The following ASXL3 variants were observed in gnomAD, a reference collection of about 807,000 sequenced individuals.
ASXL3 encodes ASXL transcriptional regulator 3, also known as putative Polycomb group protein ASXL3.
Under a neutral mutation model 170.6 loss-of-function variants are expected in ASXL3, and 34 were observed. That is an observed-to-expected ratio of 0.20 (90% confidence interval 0.15 to 0.27). The LOEUF (loss-of-function observed/expected upper bound fraction) is 0.27, where lower values mean the gene tolerates loss of function less well. ASXL3 is among the 10% of genes least tolerant of loss of function. The probability of loss-of-function intolerance (pLI) is 1.00; values close to 1 mark genes in which losing one functional copy is unlikely to be tolerated. For synonymous variants in ASXL3, 1,002 were observed against 989.1 expected (o/e 1.01, Z -0.24); for missense variants, 2,592 against 2,695.3 (o/e 0.96, Z 0.85).
intron 8 of ASXL3, among the ~76,000 whole-genome samples, chr18:33,727,094 T>C (rs2067365178): frequency 6.6e-6 from 1 of 152,124 alleles, no homozygotes. Context: ...ACATACTCAA[T>C]GTGAATATTT....
At chr18:33,599,079 G>A (rs895896743) in intron 1 of ASXL3, among the ~76,000 whole-genome samples, 1 of 152,118 alleles carries the variant, frequency 6.6e-6, no homozygotes, top group Non-Finnish European at 1.5e-5. Context: ...ATTATAGATT[G>A]TTGAGCTTCA....
chr18:33,597,716 G>T (rs1350752640), intron 1 of ASXL3, among the ~76,000 whole-genome samples: 1 of 151,326 alleles, frequency 6.6e-6, no homozygotes, highest in Non-Finnish European at 1.5e-5. Flanking sequence ...TCCCAGTTCT[G>T]CTTCTTACCT....
chr18:33,733,338 T>C lies in ASXL3; in HGVS notation c.977-972T>C, dbSNP rs1047440421. The stretch of plus-strand genomic sequence containing the variant: ...TTCCCTCTCAACTCCTTCTTCTGTT[T>C]CCTCTATTTCTGTAATGTCACAACT... On this transcript the variant is annotated intron_variant, in intron 9 of 11. Coordinates refer to ENST00000269197, the MANE Select transcript of ASXL3 (RefSeq NM_030632.3). Among the ~76,000 whole-genome samples, 5 of 152,286 alleles carry C rather than the reference T, an allele frequency of 3.3e-5. No homozygotes were observed. In the East Asian group the frequency reaches 9.7e-4, roughly 30 times the overall value.
At chr18:33,691,214 G>A (rs2066681660) in intron 8 of ASXL3, among the ~76,000 whole-genome samples, 2 of 152,288 alleles carry the variant, frequency 1.3e-5, no homozygotes, top group South Asian at 2.1e-4. Flanking sequence ...TCATTGGCCA[G>A]CTCCTATCAG....
At chr18:33,610,581 G>A (rs911218999) in intron 2 of ASXL3, among the ~76,000 whole-genome samples, 2 of 151,870 alleles carry the variant, frequency 1.3e-5, no homozygotes, top group Non-Finnish European at 2.9e-5. Context: ...CACTTACCTC[G>A]CTGTACTGTA....
At chr18:33,670,065 G>A (rs897013113) in intron 5 of ASXL3, among the ~76,000 whole-genome samples, 1 of 152,092 alleles carries the variant, frequency 6.6e-6, no homozygotes, top group East Asian at 1.9e-4. Flanking sequence ...GAAGGTTAAT[G>A]CCCAAAGTCA....
rs963165188 is a variant in ASXL3 at position 33,609,087 on chromosome 18, A to G, written c.137+1411A>G. ...AGCAGTGGATAGATTAGTTGCTAAC[A>G]GTACCTAACAATTCTGTTAAAGGAG... On this transcript the variant is annotated intron_variant, in intron 2 of 11. Transcript: ENST00000269197. 4.1e-6 allele frequency: 4 copies of G among 983,182 alleles called. No homozygotes were observed. The African/African-American group carries it at 7.0e-5, about 17-fold the overall frequency. The allele number at this position is 983,182 out of a possible 1,614,324, so 60.9% of individuals were successfully genotyped here.
At position 33,634,002 on chromosome 18, in the gene ASXL3, A is replaced by G. The variant is rs142186314; in HGVS notation, c.138-10892A>G. 1.4e-3 allele frequency among the ~76,000 whole-genome samples: 218 copies of G among 152,344 alleles called. 1 individual carries two copies. The highest frequency in any genetic ancestry group is 5.1e-3 in the African/African-American group (213 of 41,586). On this transcript the variant is annotated intron_variant, in intron 2 of 11. Coordinates refer to ENST00000269197, the MANE Select transcript of ASXL3 (RefSeq NM_030632.3). ...CATAAAGTTGAATATATGCATATAT[A>G]TGAATGTAAATACAAAAAGATCGGG...
intron 1 of ASXL3, among the ~76,000 whole-genome samples, chr18:33,597,078 G>A: frequency 6.6e-6 from 1 of 152,132 alleles, no homozygotes; most frequent in East Asian, 1.9e-4. Flanking sequence ...GCCTCCCAGT[G>A]TGCTAGGATT....
chr18:33,586,857 C>T (rs1231678259), intron 1 of ASXL3, among the ~76,000 whole-genome samples: 4 of 152,174 alleles, frequency 2.6e-5, no homozygotes, highest in Non-Finnish European at 5.9e-5. Flanking sequence ...ACAATTGTGT[C>T]ATGCATTGGG....
intron 7 of ASXL3, among the ~76,000 whole-genome samples, chr18:33,676,840 A>G (rs879682088): frequency 2.6e-5 from 4 of 152,152 alleles, no homozygotes; most frequent in Non-Finnish European, 5.9e-5. Flanking sequence ...TTCTGAGACA[A>G]CCCTAATACA....
At chr18:33,670,534 C>A in intron 5 of ASXL3, 139 bp from the exon 6 acceptor site, 1 of 583,940 alleles carries the variant, frequency 1.7e-6, no homozygotes, top group South Asian at 2.9e-5. Flanking sequence ...ATTAAGAATC[C>A]TGAGAAATTA....
At chr18:33,612,769 T>G (rs1406930289) in intron 2 of ASXL3, among the ~76,000 whole-genome samples, 5 of 152,148 alleles carry the variant, frequency 3.3e-5, no homozygotes, top group Non-Finnish European at 7.4e-5. Flanking sequence ...GAGATGATTC[T>G]TTCTTGCCGC....
chr18:33,635,895 A>C (rs1460949533), intron 2 of ASXL3, among the ~76,000 whole-genome samples: 2 of 152,212 alleles, frequency 1.3e-5, no homozygotes, highest in African/African-American at 2.4e-5. Context: ...AATGTATTTC[A>C]ACAAACAACT....
Position 33,738,522 on chromosome 18 carries a change from C to T in ASXL3, c.1118C>T (p.Thr373Ile). 6.2e-7 allele frequency: 1 copy of T among 1,613,556 alleles called. No individual in the cohort carries two copies. Among genetic ancestry groups the T allele is most frequent in the Non-Finnish European group, 8.5e-7 (1 of 1,179,734 alleles). ...TCAAGAGAGGAATCTGTGAAGCTCACTACTGGACCAAACAACGCTGGAGCT... is the reference window on the plus strand; with the variant it reads ...TCAAGAGAGGAATCTGTGAAGCTCATTACTGGACCAAACAACGCTGGAGCT... ...GMSREESVKLTTGPNNAGAQS... is the reference protein window; with the variant it reads ...GMSREESVKLITGPNNAGAQS... The change falls in exon 11 of 12, where the codon ACT (threonine) becomes ATT (isoleucine). Residue 373 changes from threonine to isoleucine, a missense_variant. Around this residue, in one of 4 missense-constraint regions of ASXL3, gnomAD observed 2,246 missense variants for 2,219.6 expected, o/e 1.01. Transcript: ENST00000269197.
At chr18:33,668,587 C>T (rs1224615015) in intron 5 of ASXL3, among the ~76,000 whole-genome samples, 1 of 152,064 alleles carries the variant, frequency 6.6e-6, no homozygotes, top group Non-Finnish European at 1.5e-5. Flanking sequence ...AAACATCATA[C>T]AAACAGGCTC....
At chr18:33,619,233 T>C (rs1599403826) in intron 2 of ASXL3, among the ~76,000 whole-genome samples, 1 of 152,092 alleles carries the variant, frequency 6.6e-6, no homozygotes, top group African/African-American at 2.4e-5. Flanking sequence ...TTTTTAAACA[T>C]TTGTGGCCTA....
intron 8 of ASXL3, among the ~76,000 whole-genome samples, chr18:33,716,891 G>T (rs1181164732): frequency 1.0e-5 from 1 of 96,574 alleles, no homozygotes; most frequent in African/African-American, 5.4e-5. Context: ...ATGGAGATTT[G>T]CTGGTTAAAA....
chr18:33,670,940 CA>C, intron 6 of ASXL3, 150 bp downstream of exon 6: 1 of 490,102 alleles, frequency 2.0e-6, no homozygotes, highest in Non-Finnish European at 3.5e-6. Flanking sequence ...CTCAGTGATT[CA>C]AAAATATAGA....
Sources: allele counts gnomAD v4.1 joint callset (sites outside exome capture counted in the v4.1 genomes callset), GRCh38; gene constraint gnomAD v4.1.1; regional missense constraint gnomAD v4.1.1; transcripts MANE v1.5; gene names NCBI Gene and HGNC (gene_info 2026-07-23, HGNC 2026-07-21).